Variants in TTC6 observed in about 807,000 individuals in gnomAD.
TTC6 encodes the protein tetratricopeptide repeat protein 6.
A neutral mutation model predicts 210.4 loss-of-function variants in TTC6; 172 were observed. The ratio of observed to expected loss-of-function variants is 0.82; its 90% CI spans 0.72 to 0.93. The LOEUF is 0.93. TTC6 is among the 40% of genes least tolerant of loss of function. TTC6 has a pLI of 0.00. For synonymous variants in TTC6, 804 were observed against 819.6 expected (o/e 0.98, Z 0.32); for missense variants, 2,414 against 2,318.1 (o/e 1.04, Z -0.85).
intron 5 of TTC6, among the ~76,000 whole-genome samples, chr14:37,705,518 A>G (rs2138705096): frequency 6.6e-6 from 1 of 152,300 alleles, no homozygotes; most frequent in Non-Finnish European, 1.5e-5. Flanking sequence ...CTAGAATAAT[A>G]CTATATGTAT....
chr14:37,703,819 T>A (rs1347925566), intron 5 of TTC6, among the ~76,000 whole-genome samples: 1 of 152,190 alleles, frequency 6.6e-6, no homozygotes, highest in Admixed American at 6.6e-5. Flanking sequence ...ATTTTTGCTT[T>A]AAAAATGATT....
intron 14 of TTC6, among the ~76,000 whole-genome samples, chr14:37,775,110 A>T (rs1368064419): frequency 6.6e-6 from 1 of 151,840 alleles, no homozygotes; most frequent in Non-Finnish European, 1.5e-5. Context: ...GTCTGTTTGG[A>T]TCTTCTTATT....
chr14:37,641,504 A>G (rs538658682), intron 1 of TTC6, among the ~76,000 whole-genome samples: 7 of 152,280 alleles, frequency 4.6e-5, no homozygotes, highest in African/African-American at 1.4e-4. Context: ...TTTTTGGAGG[A>G]ATATTCTTTT....
intron 1 of TTC6, among the ~76,000 whole-genome samples, chr14:37,602,591 A>G (rs1273405260): frequency 6.6e-6 from 1 of 152,150 alleles, no homozygotes; most frequent in African/African-American, 2.4e-5. Flanking sequence ...GGTGTCCTCG[A>G]TGTTCCTCCC....
At chr14:37,665,203 G>A (rs1467575224) in intron 1 of TTC6, among the ~76,000 whole-genome samples, 1 of 150,412 alleles carries the variant, frequency 6.6e-6, no homozygotes, top group African/African-American at 2.4e-5. Context: ...GCATGCAAAT[G>A]TTCATTGCAG....
chr14:37,829,783 A>G (rs2096180335), intron 29 of TTC6, among the ~76,000 whole-genome samples: 1 of 152,106 alleles, frequency 6.6e-6, no homozygotes, highest in East Asian at 1.9e-4. Flanking sequence ...ACTTGGGGAA[A>G]TCCAAAAGAA....
chr14:37,692,592 C>G (rs1307555244), intron 3 of TTC6, among the ~76,000 whole-genome samples: 1 of 152,092 alleles, frequency 6.6e-6, no homozygotes, highest in Non-Finnish European at 1.5e-5. Context: ...GGTGTGGTGG[C>G]TCACACCTGT....
chr14:37,620,936 C>A (rs1372407366), upstream of TTC6, among the ~76,000 whole-genome samples: 2 of 152,160 alleles, frequency 1.3e-5, no homozygotes, highest in African/African-American at 4.8e-5. Flanking sequence ...GTCCTGCCAG[C>A]CTTTATTCTT....
intron 10 of TTC6, among the ~76,000 whole-genome samples, chr14:37,740,301 C>G (rs1485480503): frequency 6.6e-6 from 1 of 151,720 alleles, no homozygotes; most frequent in African/African-American, 2.4e-5. Context: ...AAATAATAAC[C>G]ACTGAAATTC....
chr14:37,682,875 C>G lies in TTC6; in HGVS notation c.1168C>G (p.Gln390Glu), dbSNP rs572121892. ...AGTATTTAAACCTCAGGAAATTTCG[C>G]AAGTTCAGCCAGCAGAGGAATTAAG... The change falls in exon 3 of 31, where the codon CAA becomes GAA. Residue 390 changes from glutamine to glutamate, a missense_variant. By Grantham distance (29) the Gln-to-Glu change is conservative (BLOSUM62 2). Transcript: ENST00000553443. The G allele has an allele frequency of 1.8e-3, 2,780 of 1,535,524 alleles. 5 individuals carry two copies. The highest frequency in any genetic ancestry group is 2.3e-3 in the Non-Finnish European group (2,634 of 1,146,608).
intron 14 of TTC6, among the ~76,000 whole-genome samples, chr14:37,768,953 C>G (rs1359042166): frequency 6.6e-6 from 1 of 151,576 alleles, no homozygotes; most frequent in African/African-American, 2.4e-5. Context: ...ATAGATAGCT[C>G]TTATTATTTT....
At chr14:37,808,767 C>T (rs1416798847) in exon 24 of TTC6, 1 of 1,519,618 alleles carries the variant, frequency 6.6e-7, no homozygotes, top group East Asian at 2.6e-5. Context: ...TTAACTACAG[C>T]TATCAGCATG....
chr14:37,650,079 T>C (rs1190500206), intron 1 of TTC6, among the ~76,000 whole-genome samples: 1 of 152,228 alleles, frequency 6.6e-6, no homozygotes, highest in African/African-American at 2.4e-5. Context: ...AAACACTTTC[T>C]AAAATCTGCT....
At chr14:37,798,709 A>G (rs1204947524) in intron 20 of TTC6, among the ~76,000 whole-genome samples, 3 of 152,130 alleles carry the variant, frequency 2.0e-5, no homozygotes, top group Admixed American at 6.6e-5. Context: ...CCTACTAAGA[A>G]TGAAGTTTGG....
At chr14:37,797,695 G>A (rs916034310) in intron 20 of TTC6, among the ~76,000 whole-genome samples, 4 of 151,670 alleles carry the variant, frequency 2.6e-5, no homozygotes, top group East Asian at 1.9e-4. Flanking sequence ...TCATCAGGGC[G>A]TCTTAAAAAA....
intron 1 of TTC6, among the ~76,000 whole-genome samples, chr14:37,626,385 G>A (rs1483995409): frequency 6.6e-6 from 1 of 152,108 alleles, no homozygotes; most frequent in East Asian, 1.9e-4. Flanking sequence ...GGCTTAATAT[G>A]ACCTAGATAA....
At chr14:37,738,199 ATAT>A (rs200242713) in intron 9 of TTC6, among the ~76,000 whole-genome samples, 4,378 of 150,196 alleles carry the variant, frequency 0.029, 78 homozygotes, top group Middle Eastern at 0.05. Context: ...ATAATAAATA[ATAT>A]TATTAAAAAT....
rs146110358 is a variant in TTC6, at chr14:37,737,351, C to A, written c.1909-309C>A. On this transcript the variant is annotated intron_variant, in intron 8 of 30. Transcript: ENST00000553443. ...ACACATTCACACACACCAGTGCCAC[C>A]TACACCAGCTGGGTAGCTTTGCACT... 1.9e-3 allele frequency among the ~76,000 whole-genome samples: 292 copies of A among 152,170 alleles called. 2 individuals are homozygous for A. The highest frequency in any genetic ancestry group is 6.6e-3 in the African/African-American group (272 of 41,506).
exon 10 of TTC6, chr14:37,739,077 G>A: frequency 6.5e-7 from 1 of 1,533,226 alleles, no homozygotes; most frequent in Non-Finnish European, 8.7e-7. Flanking sequence ...AAGAAGATGA[G>A]ATGGAAGAAA....
Sources: gnomAD v4.1 joint callset for allele counts (sites outside exome capture counted in the v4.1 genomes callset) on GRCh38, gnomAD v4.1.1 for gene constraint, MANE v1.5 for transcripts, NCBI Gene and HGNC (gene_info 2026-07-23, HGNC 2026-07-21) for gene names.